The following HCN4 variants were observed in gnomAD, a reference collection of about 807,000 sequenced individuals.
The protein encoded by HCN4 is potassium/sodium hyperpolarization-activated cyclic nucleotide-gated channel 4.
Under a neutral mutation model 76.9 loss-of-function variants are expected in HCN4, and 29 were observed. That is an observed-to-expected ratio of 0.38 (90% CI 0.28 to 0.51). HCN4 has a LOEUF of 0.51. HCN4 is among the 20% of genes least tolerant of loss of function. The pLI, the probability that HCN4 is intolerant of heterozygous loss-of-function variation, is 0.90. For missense variants in HCN4, 1,416 were observed against 1,715.2 expected (o/e 0.83, Z 3.08); for synonymous variants, 772 against 762.5 (o/e 1.01, Z -0.21).
intron 1 of HCN4, among the ~76,000 whole-genome samples, chr15:73,356,189 C>CT (rs527385643): frequency 0.25 from 33,602 of 135,088 alleles, 5,190 homozygotes; most frequent in African/African-American, 0.45. Context: ...TTGTTTTTTG[C>CT]TTTTTTTTTT....
At chr15:73,345,308 G>C (rs2043024809) in intron 1 of HCN4, among the ~76,000 whole-genome samples, 1 of 152,198 alleles carries the variant, frequency 6.6e-6, no homozygotes, top group Non-Finnish European at 1.5e-5. Flanking sequence ...GCAGTTTCCA[G>C]AGAGTCAGCT....
intron 1 of HCN4, among the ~76,000 whole-genome samples, chr15:73,344,368 G>C (rs1166463448): frequency 6.6e-6 from 1 of 152,166 alleles, no homozygotes; most frequent in African/African-American, 2.4e-5. Flanking sequence ...ATCCGGAAGG[G>C]CCTCCCTATT....
Position 73,321,957 on chromosome 15 carries a change from T to TA in HCN4, c.*523dup, listed in dbSNP as rs2042861468. The TA allele has an allele frequency of 5.4e-6, 1 of 186,784 alleles. No individual in the cohort carries two copies. Among genetic ancestry groups the TA allele is most frequent in the African/African-American group, 2.4e-5 (1 of 41,876 alleles). 11.6% of individuals were successfully genotyped at this position (186,784 alleles called of 1,614,324 possible). On this transcript the variant is annotated 3_prime_UTR_variant, in exon 8 of 8. Transcript: ENST00000261917. ...ATACATATTCATATACAGATCTTGCTACGTTTACAGTAGAAAAAATGCTAG... is the reference window on the plus strand; with the variant it reads ...ATACATATTCATATACAGATCTTGCTAACGTTTACAGTAGAAAAAATGCTAG...
At chr15:73,349,932 T>C (rs1335561142) in intron 1 of HCN4, among the ~76,000 whole-genome samples, 1 of 152,148 alleles carries the variant, frequency 6.6e-6, no homozygotes, top group Non-Finnish European at 1.5e-5. Context: ...TGACTTCTAC[T>C]CCATATCATT....
chr15:73,322,880 T>G lies in HCN4; in HGVS notation c.3213A>C (p.Thr1071=), dbSNP rs2042870343. 2 of 1,451,764 alleles carry G rather than the reference T, an allele frequency of 1.4e-6. No homozygotes were observed. The highest frequency in any genetic ancestry group is 1.4e-5 in the African/African-American group (1 of 69,512). 89.9% of individuals were successfully genotyped at this position (1,451,764 alleles called of 1,614,324 possible). The change falls in exon 8 of 8, where the codon ACA becomes ACC. Residue 1071 remains threonine, a synonymous_variant. Transcript: ENST00000261917. ...TGAGGCGGCCGGGGGTGAGCGGGGG[T>G]GTGCCCCGGCGCTGGGGGACCTGGG... ...PPPQVPQRRG[T]PPLTPGRLTQ...
At chr15:73,353,668 T>C (rs1455908193) in intron 1 of HCN4, among the ~76,000 whole-genome samples, 1 of 152,108 alleles carries the variant, frequency 6.6e-6, no homozygotes, top group Admixed American at 6.5e-5. Context: ...ACCTTCACCA[T>C]CCCATACCCT....
Position 73,368,164 on chromosome 15 carries a change from C to A in HCN4, c.107G>T (p.Gly36Val). The stretch of plus-strand genomic sequence containing the variant: ...GCTGGGGTCTTGGCGGCCCCCGGCC[C>A]CCTCCTCCTCGGCGTCCTCTTCCTC... Reference protein sequence around the residue: ...MDEEEDAEEEGAGGRQDPSRR... With the variant: ...MDEEEDAEEEVAGGRQDPSRR... The change falls in exon 1 of 8, where the codon GGG becomes GTG. Residue 36 changes from glycine (G) to valine (V), a missense_variant. Gly to Val is a moderately radical substitution (Grantham distance 109). This residue lies in a region of HCN4 where 355 missense variants were observed against 347.8 expected (regional missense o/e 1.02). Coordinates refer to ENST00000261917, the MANE Select transcript of HCN4 (RefSeq NM_005477.3). The surrounding 1 kb of genome is among the most constrained non-coding windows in gnomAD (Gnocchi z 6.9). The A allele has an allele frequency of 6.5e-7, 1 of 1,528,894 alleles. No individual in the cohort carries two copies. The allele number at this position is 1,528,894 out of a possible 1,614,324, so 94.7% of individuals were successfully genotyped here.
At position 73,322,463 on chromosome 15, in the gene HCN4, G is replaced by C. The variant is rs1215104006; in HGVS notation, c.*18C>G. On this transcript the variant is annotated 3_prime_UTR_variant, in exon 8 of 8. Coordinates refer to ENST00000261917, the MANE Select transcript of HCN4 (RefSeq NM_005477.3). ...AAGGGAGAGAAAAGAAGAAAGAAGA[G>C]GGAAGGAAGGGCCCAGCTCATAGAT... 1.9e-6 allele frequency: 3 copies of C among 1,559,756 alleles called. No homozygotes were observed. The South Asian group carries it at 3.5e-5, about 18-fold the overall frequency.
intron 1 of HCN4, among the ~76,000 whole-genome samples, chr15:73,363,555 C>T (rs113717003): frequency 0.016 from 2,460 of 152,240 alleles, 43 homozygotes; most frequent in Non-Finnish European, 0.026. Flanking sequence ...CCAGATGGTC[C>T]TCAACTTAGG....
intron 1 of HCN4, among the ~76,000 whole-genome samples, chr15:73,365,563 G>A (rs1421105333): frequency 6.6e-6 from 1 of 152,200 alleles, no homozygotes; most frequent in Non-Finnish European, 1.5e-5. Flanking sequence ...TACCAGAATG[G>A]GGTAAGACCA....
At chr15:73,345,904 G>A (rs1037874655) in intron 1 of HCN4, among the ~76,000 whole-genome samples, 3 of 152,114 alleles carry the variant, frequency 2.0e-5, no homozygotes, top group Middle Eastern at 3.2e-3. Context: ...TGACTCGGGC[G>A]GGCCTGCCAC....
Position 73,325,200 on chromosome 15 carries a change from C to G in HCN4, c.1738-5G>C. 6.2e-7 allele frequency: 1 copy of G among 1,614,024 alleles called. No individual in the cohort carries two copies. Among genetic ancestry groups the G allele is most frequent in the Non-Finnish European group, 8.5e-7 (1 of 1,179,932 alleles). ...ACAGTTAAAGTTGATGATCTCCTGC[C>G]GGACAGGGTGGATTGGGACACGGGA... On this transcript the variant is annotated splice_polypyrimidine_tract_variant and splice_region_variant and intron_variant, in intron 5 of 7. Transcript: ENST00000261917. The surrounding 1 kb of genome is among the most constrained non-coding windows in gnomAD (Gnocchi z 7.4).
At chr15:73,365,511 A>T (rs181638099) in intron 1 of HCN4, among the ~76,000 whole-genome samples, 1 of 152,312 alleles carries the variant, frequency 6.6e-6, no homozygotes, top group East Asian at 1.9e-4. Context: ...GGCAGCCTGC[A>T]GTTAGTGGGA....
chr15:73,347,486 A>AG (rs1440944969), intron 1 of HCN4, among the ~76,000 whole-genome samples: 1 of 152,176 alleles, frequency 6.6e-6, no homozygotes, highest in Non-Finnish European at 1.5e-5. Context: ...TCCTGATGCT[A>AG]GGGCTGTCTG....
rs1486632795 is a variant in HCN4 at position 73,368,654 on chromosome 15, G to T, written c.-384C>A. 1 of 155,616 alleles carries T rather than the reference G, an allele frequency of 6.4e-6. No homozygotes were observed. Among genetic ancestry groups the T allele is most frequent in the Non-Finnish European group, 1.4e-5 (1 of 70,686 alleles). 9.6% of individuals were successfully genotyped at this position (155,616 alleles called of 1,614,324 possible). A position where few individuals can be genotyped will look rare whatever the true frequency, so the allele number is the denominator to read the frequency against. ...GCCGCGGCGCTCAGGGAACCGCTCC[G>T]GAGTGCAGAGCGCACGGCCCGCGCG... On this transcript the variant is annotated 5_prime_UTR_variant, in exon 1 of 8. Coordinates refer to ENST00000261917, the MANE Select transcript of HCN4 (RefSeq NM_005477.3). This position sits in a 1 kb window ranked among gnomAD's most constrained non-coding sequence, Gnocchi z 6.9.
At position 73,328,854 on chromosome 15, in the gene HCN4, G is replaced by C. The variant is rs2042915414; in HGVS notation, c.1590+719C>G. ...TTGAGGTAGGCATTGATGACAGAGA[G>C]AGGCCAGGGATGGCTCCTAGTCTCT... is the stretch of plus-strand genomic sequence containing the variant. On this transcript the variant is annotated intron_variant, in intron 4 of 7. Coordinates refer to ENST00000261917, the MANE Select transcript of HCN4 (RefSeq NM_005477.3). This position sits in a 1 kb window ranked among gnomAD's most constrained non-coding sequence, Gnocchi z 4.0. 1.3e-5 allele frequency among the ~76,000 whole-genome samples: 2 copies of C among 152,200 alleles called. No homozygotes were observed. Among genetic ancestry groups the C allele is most frequent in the Admixed American group, 1.3e-4 (2 of 15,280 alleles).
chr15:73,344,607 T>C (rs2043022000), intron 1 of HCN4, among the ~76,000 whole-genome samples: 1 of 152,168 alleles, frequency 6.6e-6, no homozygotes, highest in South Asian at 2.1e-4. Context: ...GAGATACCAC[T>C]CAATGTGATA....
At chr15:73,361,875 T>TG (rs1204504477) in intron 1 of HCN4, among the ~76,000 whole-genome samples, 1 of 152,132 alleles carries the variant, frequency 6.6e-6, no homozygotes, top group Non-Finnish European at 1.5e-5. Flanking sequence ...AGCTGGCCCC[T>TG]GTCAGAGCCA....
At chr15:73,364,860 G>A (rs1018254771) in intron 1 of HCN4, among the ~76,000 whole-genome samples, 3 of 152,210 alleles carry the variant, frequency 2.0e-5, no homozygotes, top group Non-Finnish European at 4.4e-5. Context: ...CCCCAGCAAT[G>A]GGAGATGCTG....
Sources: gnomAD v4.1 joint callset for allele counts (sites outside exome capture counted in the v4.1 genomes callset) on GRCh38, gnomAD v4.1.1 for gene constraint, gnomAD v4.1.1 regional missense constraint, Gnocchi (gnomAD v3.1) non-coding constraint, MANE v1.5 for transcripts, NCBI Gene and HGNC (gene_info 2026-07-23, HGNC 2026-07-21) for gene names.